SPATA7: variants seen among roughly 807,000 people sequenced by gnomAD.
The protein encoded by SPATA7 is spermatogenesis-associated protein 7.
Under a neutral mutation model 51.8 loss-of-function variants are expected in SPATA7, and 43 were observed. The ratio of observed to expected loss-of-function variants is 0.83; its 90% CI spans 0.65 to 1.07. The LOEUF is 1.07. Among genes scored for constraint, SPATA7 ranks in the 50% least tolerant of loss-of-function variants. The probability of loss-of-function intolerance (pLI) is 0.00; values close to 1 mark genes in which losing one functional copy is unlikely to be tolerated. For missense variants in SPATA7, 683 were observed against 701.3 expected, an observed-to-expected ratio of 0.97 and a Z score of 0.30; for synonymous variants, 230 against 252.8, an observed-to-expected ratio of 0.91 and a Z score of 0.86.
chr14:88,407,997 T>G (rs2076242834), intron 4 of SPATA7, among the ~76,000 whole-genome samples: 1 of 152,190 alleles, frequency 6.6e-6, no homozygotes, highest in East Asian at 1.9e-4. Context: ...ATCATGCTGT[T>G]TTGGTTACTG....
Position 88,412,000 on chromosome 14 carries a change from C to T in SPATA7, c.239-4711C>T, listed in dbSNP as rs986137269. ...ACATTCCCAAGAACAGTGTGTAATT[C>T]CTTTTTCCCCGCAACCTTGCCACAT... On this transcript the variant is annotated intron_variant, in intron 4 of 11. Transcript: ENST00000393545. 1.1e-4 allele frequency among the ~76,000 whole-genome samples: 16 copies of T among 150,914 alleles called. 1 individual carries two copies. The highest frequency in any genetic ancestry group is 2.5e-4 in the African/African-American group (10 of 40,252).
intron 1 of SPATA7, among the ~76,000 whole-genome samples, chr14:88,389,117 A>G (rs750822319): frequency 6.6e-6 from 1 of 152,180 alleles, no homozygotes; most frequent in Non-Finnish European, 1.5e-5. Flanking sequence ...AAACAGGAAA[A>G]TGTGACCTAT....
At chr14:88,427,733 G>GT in intron 7 of SPATA7, 37 bp downstream of exon 7, 2 of 1,396,468 alleles carry the variant, frequency 1.4e-6, no homozygotes, top group Non-Finnish European at 2.0e-6. Flanking sequence ...TGCTACATTT[G>GT]AATTACAGAT....
chr14:88,425,719 A>G (rs998634380), intron 5 of SPATA7, among the ~76,000 whole-genome samples: 1 of 152,094 alleles, frequency 6.6e-6, no homozygotes, highest in East Asian at 1.9e-4. Context: ...AATATTTATT[A>G]ATTATATTTA....
At chr14:88,452,731 T>C (rs1055432861) in intron 3 of SPATA7, among the ~76,000 whole-genome samples, 5 of 152,186 alleles carry the variant, frequency 3.3e-5, no homozygotes, top group Non-Finnish European at 7.3e-5. Flanking sequence ...GCTGCTAGTA[T>C]TTTTAAACAA....
chr14:88,448,766 T>C (rs2077231575), intron 3 of SPATA7, among the ~76,000 whole-genome samples: 1 of 152,132 alleles, frequency 6.6e-6, no homozygotes, highest in South Asian at 2.1e-4. Flanking sequence ...AGTCTGCCCC[T>C]GCTTGGGGGT....
chr14:88,424,498 C>A (rs73327421), intron 5 of SPATA7, among the ~76,000 whole-genome samples: 1 of 152,068 alleles, frequency 6.6e-6, no homozygotes, highest in Non-Finnish European at 1.5e-5. Context: ...TAACCATTAC[C>A]GATAACATTT....
chr14:88,386,104 C>A, intron 1 of SPATA7: 2 of 1,271,192 alleles, frequency 1.6e-6, no homozygotes, highest in Non-Finnish European at 2.1e-6. Flanking sequence ...GGTCGTGCAG[C>A]CTTTAAAACC....
chr14:88,419,020 A>G (rs2076563364), intron 5 of SPATA7, among the ~76,000 whole-genome samples: 1 of 152,140 alleles, frequency 6.6e-6, no homozygotes, highest in African/African-American at 2.4e-5. Context: ...AATATATTCT[A>G]TAGTTTTTGC....
chr14:88,469,614 G>A lies in SPATA7; in HGVS notation c.255-233G>A. 1.2e-6 allele frequency: 2 copies of A among 1,614,106 alleles called. No homozygotes were observed. The highest frequency in any genetic ancestry group is 2.2e-5 in the South Asian group (2 of 91,078). ...GGTGCTTCATCTTCAGGCCTGTGGT[G>A]GCATAGCAGCCAGAGTCTGTGCGGA... On this transcript the variant is annotated intron_variant, in intron 4 of 4. Coordinates refer to the SPATA7 transcript ENST00000556406. This position sits in a 1 kb window ranked among gnomAD's most constrained non-coding sequence, Gnocchi z 4.3.
At chr14:88,451,593 C>T (rs2077251851) in intron 3 of SPATA7, among the ~76,000 whole-genome samples, 1 of 151,012 alleles carries the variant, frequency 6.6e-6, no homozygotes, top group Non-Finnish European at 1.5e-5. Context: ...GTGCCACAAT[C>T]TCGGCTCACT....
At chr14:88,411,632 C>T (rs1430599833) in intron 4 of SPATA7, among the ~76,000 whole-genome samples, 1 of 152,104 alleles carries the variant, frequency 6.6e-6, no homozygotes, top group Admixed American at 6.5e-5. Flanking sequence ...GAAGGAGTTC[C>T]CCTACCCCTT....
chr14:88,461,745 G>C (rs865823940), intron 4 of SPATA7, among the ~76,000 whole-genome samples: 3 of 152,240 alleles, frequency 2.0e-5, no homozygotes, highest in Admixed American at 6.5e-5. Flanking sequence ...AGCCCCGTGA[G>C]ATGAACCCGG....
Position 88,438,128 on chromosome 14 carries a change from A to G in SPATA7, c.1506A>G (p.Glu502=). Reference sequence around the variant, plus strand: ...CTATTTATAAATCAAAGCATTCAGAAGGGGTTATAATTCAACAGGTGAATG... The same window carrying G: ...CTATTTATAAATCAAAGCATTCAGAGGGGGTTATAATTCAACAGGTGAATG... ...FMPIYKSKHS[E]GVIIQQVNDE... is the part of the protein sequence containing the mutation. Residue 502 remains glutamate (E), a synonymous_variant, in exon 12 of 12, where the codon GAA becomes GAG. Transcript: ENST00000393545. 1.2e-6 allele frequency: 2 copies of G among 1,614,008 alleles called. No homozygotes were observed. Among genetic ancestry groups the G allele is most frequent in the Non-Finnish European group, 1.7e-6 (2 of 1,179,960 alleles).
chr14:88,427,647 G>A lies in SPATA7; in HGVS notation c.863G>A (p.Gly288Glu), dbSNP rs1189872333. 5.6e-6 allele frequency: 9 copies of A among 1,608,168 alleles called. No individual in the cohort carries two copies. Among genetic ancestry groups the A allele is most frequent in the Non-Finnish European group, 7.7e-6 (9 of 1,175,612 alleles). ...QTELSFKSEL[G>E]TAETKNMTDS... is the part of the protein sequence containing the mutation. ...TATTACAGCTTTAAATCTGAGTTGG[G>A]GACAGCTGAGACTAAAAACATGACA... The change falls in exon 7 of 12, where the codon GGG becomes GAG. Residue 288 changes from glycine to glutamate, a missense_variant. Gly to Glu is a moderately conservative substitution (Grantham distance 98). Coordinates refer to ENST00000393545, the MANE Select transcript of SPATA7 (RefSeq NM_018418.5).
At chr14:88,460,896 G>A (rs1017278038) in intron 4 of SPATA7, among the ~76,000 whole-genome samples, 6 of 152,158 alleles carry the variant, frequency 3.9e-5, no homozygotes, top group Non-Finnish European at 5.9e-5. Context: ...TGATGTGGAT[G>A]TCCTTTCTGT....
chr14:88,399,086 A>G (rs924977578), intron 4 of SPATA7, among the ~76,000 whole-genome samples: 1 of 152,096 alleles, frequency 6.6e-6, no homozygotes, highest in Non-Finnish European at 1.5e-5. Flanking sequence ...GTAAATATCA[A>G]CCTAAGGTTA....
chr14:88,468,255 A>T (rs1189971709), intron 4 of SPATA7: 1 of 1,605,624 alleles, frequency 6.2e-7, no homozygotes, highest in Non-Finnish European at 8.5e-7. Flanking sequence ...CACTCTCGGG[A>T]TGTCCAGCAC....
intron 4 of SPATA7, among the ~76,000 whole-genome samples, chr14:88,402,190 A>G (rs2076079602): frequency 6.6e-6 from 1 of 152,244 alleles, no homozygotes; most frequent in African/African-American, 2.4e-5. Flanking sequence ...ATGAATTGGA[A>G]TAATTAATAT....
Sources: gnomAD v4.1 joint callset for allele counts (sites outside exome capture counted in the v4.1 genomes callset) on GRCh38, gnomAD v4.1.1 for gene constraint, Gnocchi (gnomAD v3.1) non-coding constraint, MANE v1.5 for transcripts, NCBI Gene and HGNC (gene_info 2026-07-23, HGNC 2026-07-21) for gene names.